The following SGCZ variants were observed in gnomAD, a reference collection of about 807,000 sequenced individuals.
The protein encoded by SGCZ is zeta-sarcoglycan.
In SGCZ, 40 loss-of-function variants were observed where a neutral mutation model predicts 41.3. That is an observed-to-expected ratio of 0.97 (90% CI 0.75 to 1.26). SGCZ has a LOEUF of 1.26. Ranked by LOEUF, SGCZ falls within the 50% of genes most tolerant of loss-of-function variation. The pLI is 0.00. For missense variants in SGCZ, 552 were observed against 369.8 expected, an observed-to-expected ratio of 1.49 and a Z score of -4.04; for synonymous variants, 206 against 137.5, an observed-to-expected ratio of 1.50 and a Z score of -3.49.
chr8:14,386,567 G>A (rs1273835531), intron 2 of SGCZ, among the ~76,000 whole-genome samples: 3 of 152,074 alleles, frequency 2.0e-5, no homozygotes, highest in African/African-American at 7.2e-5. Flanking sequence ...TTCAGGCACT[G>A]TAAAGTGGTT....
At chr8:14,231,247 G>A (rs893430372) in intron 4 of SGCZ, among the ~76,000 whole-genome samples, 89 of 151,160 alleles carry the variant, frequency 5.9e-4, no homozygotes, top group African/African-American at 2.0e-3. Flanking sequence ...GAGAGAGAGA[G>A]AGACACAGAG....
chr8:15,195,690 G>A (rs1211851334), intron 1 of SGCZ, among the ~76,000 whole-genome samples: 1 of 152,082 alleles, frequency 6.6e-6, no homozygotes, highest in South Asian at 2.1e-4. Context: ...ACTCTGAAAT[G>A]TTGCCATTTG....
At chr8:14,559,380 A>G (rs1374789849) in intron 1 of SGCZ, among the ~76,000 whole-genome samples, 1 of 152,094 alleles carries the variant, frequency 6.6e-6, no homozygotes, top group Non-Finnish European at 1.5e-5. Context: ...CCCTTTTACC[A>G]TAGAGCAAAA....
chr8:14,311,310 G>C (rs1354282796), intron 3 of SGCZ, among the ~76,000 whole-genome samples: 2 of 152,028 alleles, frequency 1.3e-5, no homozygotes, highest in African/African-American at 4.8e-5. Flanking sequence ...ACTTCAACAA[G>C]CACCACCATA....
At chr8:14,666,332 G>T (rs527327937) in intron 1 of SGCZ, among the ~76,000 whole-genome samples, 2 of 152,262 alleles carry the variant, frequency 1.3e-5, no homozygotes, top group East Asian at 3.9e-4. Context: ...TCAGAGACTT[G>T]CAGGATGGCA....
In SGCZ at chr8:14,600,440, C is replaced by T. The variant is rs564697941; in HGVS notation, c.40-45514G>A. ...GGAATCTCCTCCTGCAGAGATTATTCTACACAGAGGGGAGAGGACTGGAAT... is the reference window on the plus strand; with the variant it reads ...GGAATCTCCTCCTGCAGAGATTATTTTACACAGAGGGGAGAGGACTGGAAT... On this transcript the variant is annotated intron_variant, in intron 1 of 7. Coordinates refer to ENST00000382080, the MANE Select transcript of SGCZ (RefSeq NM_139167.4). Among the ~76,000 whole-genome samples the T allele has an allele frequency of 5.3e-5, 8 of 152,254 alleles. No homozygotes were observed. The South Asian group carries it at 1.7e-3, about 32-fold the overall frequency.
At chr8:14,315,188 T>C (rs191881395) in intron 3 of SGCZ, among the ~76,000 whole-genome samples, 1 of 152,066 alleles carries the variant, frequency 6.6e-6, no homozygotes, top group Non-Finnish European at 1.5e-5. Context: ...CTCCAGTGAG[T>C]CATCTGCAAA....
intron 1 of SGCZ, among the ~76,000 whole-genome samples, chr8:14,767,255 A>G (rs1585243071): frequency 6.6e-6 from 1 of 152,166 alleles, no homozygotes; most frequent in African/African-American, 2.4e-5. Context: ...ATTCCCCTGA[A>G]GCCACATAAG....
chr8:14,490,545 G>A (rs1024552481), intron 2 of SGCZ, among the ~76,000 whole-genome samples: 5 of 152,016 alleles, frequency 3.3e-5, no homozygotes, highest in African/African-American at 7.2e-5. Flanking sequence ...TTTGTCTCTC[G>A]TCTCTCTCTG....
chr8:14,279,751 C>T (rs1800357447), intron 3 of SGCZ, among the ~76,000 whole-genome samples: 1 of 151,966 alleles, frequency 6.6e-6, no homozygotes, highest in Non-Finnish European at 1.5e-5. Context: ...AGATTCACAG[C>T]CTCATTAACA....
chr8:15,160,371 T>G (rs999217778), intron 1 of SGCZ, among the ~76,000 whole-genome samples: 2 of 152,198 alleles, frequency 1.3e-5, no homozygotes, highest in African/African-American at 4.8e-5. Flanking sequence ...TACTCCGCTG[T>G]GTTTATCGAT....
chr8:14,107,422 C>A lies in SGCZ; in HGVS notation c.620+741G>T, dbSNP rs144303879. Among the ~76,000 whole-genome samples, 94 of 152,112 alleles carry A rather than the reference C, an allele frequency of 6.2e-4. 1 individual carries two copies. Among genetic ancestry groups the A allele is most frequent in the African/African-American group, 2.1e-3 (89 of 41,490 alleles). On this transcript the variant is annotated intron_variant, in intron 6 of 7. Coordinates refer to ENST00000382080, the MANE Select transcript of SGCZ (RefSeq NM_139167.4). ...GAACCATCACACTGTCAGGACATAG[C>A]TTATTCCATTGGAAATATTAGACTG...
At chr8:14,343,606 G>C (rs796433097) in intron 2 of SGCZ, among the ~76,000 whole-genome samples, 4 of 152,240 alleles carry the variant, frequency 2.6e-5, no homozygotes, top group African/African-American at 7.2e-5. Context: ...TTAAATACTA[G>C]TGCTCAGTCA....
At chr8:14,885,335 T>C (rs1804748760) in intron 1 of SGCZ, among the ~76,000 whole-genome samples, 1 of 152,086 alleles carries the variant, frequency 6.6e-6, no homozygotes, top group Non-Finnish European at 1.5e-5. Context: ...CTGGTTAGAG[T>C]AGTATATTAT....
intron 1 of SGCZ, among the ~76,000 whole-genome samples, chr8:14,903,491 G>A (rs73666942): frequency 0.034 from 5,214 of 152,154 alleles, 239 homozygotes; most frequent in African/African-American, 0.11. Context: ...CTGGGTTACT[G>A]TTAAAGTGTT....
At position 14,392,977 on chromosome 8, in the gene SGCZ, A is replaced by C. The variant is rs182003501; in HGVS notation, c.235-68773T>G. On this transcript the variant is annotated intron_variant, in intron 2 of 7. Coordinates refer to ENST00000382080, the MANE Select transcript of SGCZ (RefSeq NM_139167.4). ...TACACTTTGTACTTAATTAATTTTT[A>C]TAATTTTCAGGAGATAGAACTCAAA... is the stretch of plus-strand genomic sequence containing the variant. Among the ~76,000 whole-genome samples the C allele has an allele frequency of 5.0e-3, 757 of 152,304 alleles. 2 individuals are homozygous for C. The highest frequency in any genetic ancestry group is 0.01 in the Middle Eastern group (3 of 292).
chr8:14,744,147 T>C (rs1289961234), intron 1 of SGCZ, among the ~76,000 whole-genome samples: 2 of 151,316 alleles, frequency 1.3e-5, no homozygotes, highest in African/African-American at 4.9e-5. Context: ...AAAACACAAT[T>C]CTTAAAAACC....
chr8:14,691,894 C>A (rs376977457), intron 1 of SGCZ, among the ~76,000 whole-genome samples: 1 of 151,968 alleles, frequency 6.6e-6, no homozygotes, highest in South Asian at 2.1e-4. Context: ...AAATAAATTA[C>A]AAATTTTGTA....
chr8:14,567,117 C>T (rs913459478), intron 1 of SGCZ, among the ~76,000 whole-genome samples: 10 of 152,232 alleles, frequency 6.6e-5, no homozygotes, highest in Admixed American at 5.9e-4. Context: ...ATGCCTGAGC[C>T]TCCCTCTTCC....
Sources: gnomAD v4.1 joint callset for allele counts (sites outside exome capture counted in the v4.1 genomes callset) on GRCh38, gnomAD v4.1.1 for gene constraint, MANE v1.5 for transcripts, NCBI Gene and HGNC (gene_info 2026-07-23, HGNC 2026-07-21) for gene names.